The following VPS9D1 variants were observed in gnomAD, a reference collection of about 807,000 sequenced individuals.
VPS9D1 encodes VPS9 domain-containing protein 1.
VPS9D1 carries 78 observed loss-of-function variants against 75.8 expected under a neutral mutation model. The observed-to-expected ratio is 1.03, with a 90% CI of 0.86 to 1.24. VPS9D1 has a LOEUF of 1.24. Ranked by LOEUF, VPS9D1 falls within the 50% of genes most tolerant of loss-of-function variation. VPS9D1 has a pLI of 0.00. For missense variants in VPS9D1, 1,057 were observed against 847.7 expected (o/e 1.25, Z -3.07); for synonymous variants, 481 against 385.6 (o/e 1.25, Z -2.90).
At position 89,718,261 on chromosome 16, in the gene VPS9D1, C is replaced by T. The variant is rs191715863; in HGVS notation, c.175+766G>A. 1.9e-3 allele frequency: 680 copies of T among 365,724 alleles called. 10 individuals carry two copies. Among genetic ancestry groups the T allele is most frequent in the Non-Finnish European group, 5.6e-4 (103 of 182,758 alleles). The allele number at this position is 365,724 out of a possible 1,614,324, so 22.7% of individuals were successfully genotyped here. A position where few individuals can be genotyped will look rare whatever the true frequency, so the allele number is the denominator to read the frequency against. Reference sequence around the variant, plus strand: ...ACGCACCCCGAGGCCGTTTACTGCTCCCATCCTGGGTGGTCTGGCCACTGC... The same window carrying T: ...ACGCACCCCGAGGCCGTTTACTGCTTCCATCCTGGGTGGTCTGGCCACTGC... On this transcript the variant is annotated intron_variant, in intron 2 of 14. Transcript: ENST00000389386.
Position 89,709,365 on chromosome 16 carries a change from C to T in VPS9D1, c.1459G>A (p.Ala487Thr), listed in dbSNP as rs748518295. ...MELYRNAPPTAIGIPTKLLPQ... is the reference protein window; with the variant it reads ...MELYRNAPPTTIGIPTKLLPQ... ...AGGAGCTTGGTGGGGATGCCAATGG[C>T]GGTGGGGGGTGCATTCCTGTAGAGC... is the stretch of plus-strand genomic sequence containing the variant. The change falls in exon 12 of 15, where the codon GCC (alanine) becomes ACC (threonine). Residue 487 changes from alanine to threonine, a missense_variant. Coordinates refer to ENST00000389386, the MANE Select transcript of VPS9D1 (RefSeq NM_004913.3). 9.5e-6 allele frequency: 15 copies of T among 1,573,164 alleles called. No homozygotes were observed. Among genetic ancestry groups the T allele is most frequent in the East Asian group, 2.2e-5 (1 of 44,716 alleles).
chr16:89,720,469 T>A (rs959889408), intron 1 of VPS9D1: 160 of 1,090,508 alleles, frequency 1.5e-4, no homozygotes, highest in Non-Finnish European at 1.8e-4. Flanking sequence ...TTTTGGAAGG[T>A]GGCCTGGCGG....
At chr16:89,709,025 G>GCCCGCCCA (rs1555522643) in intron 12 of VPS9D1, 69 bp from the exon 13 acceptor site, 8 of 631,398 alleles carry the variant, frequency 1.3e-5, no homozygotes, top group Admixed American at 8.1e-5. Context: ...CTTATACCCC[G>GCCCGCCCA]CCCACCCACC....
rs769831472 is a variant in VPS9D1 at position 89,716,542 on chromosome 16, A to G, written c.351T>C (p.Asp117=). ...PAGRHRRVYS[D]EGGKLSPFLP... ...GAAAAGGAGAGAGCTTTCCTCCTTCATCGGAGTATACACGGCGGTGTCGGC... is the reference window on the plus strand; with the variant it reads ...GAAAAGGAGAGAGCTTTCCTCCTTCGTCGGAGTATACACGGCGGTGTCGGC... The change falls in exon 4 of 15, where the codon GAT becomes GAC. Residue 117 remains aspartate (D), a synonymous_variant. Transcript: ENST00000389386. The G allele has an allele frequency of 1.6e-5, 26 of 1,614,126 alleles. No homozygotes were observed. Among genetic ancestry groups the G allele is most frequent in the Middle Eastern group, 3.3e-4 (2 of 6,060 alleles).
rs1249000104 is a variant in VPS9D1 at position 89,710,831 on chromosome 16, G to A, written c.1013C>T (p.Pro338Leu). 6.5e-7 allele frequency: 1 copy of A among 1,531,304 alleles called. No homozygotes were observed. The highest frequency in any genetic ancestry group is 2.0e-5 in the Admixed American group (1 of 50,302). The allele number at this position is 1,531,304 out of a possible 1,614,324, so 94.9% of individuals were successfully genotyped here. ...SQSLHCMLSP[P>L]EPSAAPRPQD... ...GGGCCGCGGGGCTGCGCTGGGCTCG[G>A]GCGGGGACAGCATGCAATGGAGGCT... Residue 338 changes from proline (P) to leucine (L), a missense_variant, in exon 10 of 15, where the codon CCC (proline) becomes CTC (leucine). Transcript: ENST00000389386.
intron 2 of VPS9D1, 39 bp from the exon 3 acceptor site, chr16:89,716,861 A>G: frequency 6.5e-7 from 1 of 1,531,442 alleles, no homozygotes; most frequent in Non-Finnish European, 8.8e-7. Flanking sequence ...AGTCGGCTCT[A>G]CCACTGTTAC....
chr16:89,711,466 G>C, intron 8 of VPS9D1, 54 bp from the exon 9 acceptor site: 1 of 1,500,658 alleles, frequency 6.7e-7, no homozygotes, highest in Non-Finnish European at 9.0e-7. Context: ...ACGACCGGAC[G>C]CGCCTCATCT....
In VPS9D1 at chr16:89,717,040, C is replaced by T. The variant is rs1485659876; in HGVS notation, c.176-218G>A. The stretch of plus-strand genomic sequence containing the variant: ...CCCCGGGTAAGCCCACTGCCCCTCC[C>T]GTCCCCCAACTGACTGACCCTAGGC... On this transcript the variant is annotated intron_variant, in intron 2 of 14. Transcript: ENST00000389386. 4.6e-4 allele frequency: 152 copies of T among 330,740 alleles called. 5 individuals carry two copies. Among genetic ancestry groups the T allele is most frequent in the South Asian group, 4.3e-3 (147 of 33,968 alleles). 20.5% of individuals were successfully genotyped at this position (330,740 alleles called of 1,614,324 possible). A position where few individuals can be genotyped will look rare whatever the true frequency, so the allele number is the denominator to read the frequency against.
At chr16:89,719,235 T>C (rs1286387060) in intron 1 of VPS9D1, 133 bp from the exon 2 acceptor site, 4 of 863,402 alleles carry the variant, frequency 4.6e-6, no homozygotes, top group Admixed American at 3.7e-5. Context: ...CCCAGAGACA[T>C]TGAGCCTGCG....
chr16:89,717,837 G>C (rs891805131), intron 2 of VPS9D1: 8 of 455,132 alleles, frequency 1.8e-5, no homozygotes, highest in Middle Eastern at 3.2e-4. Context: ...CCCCTGACCT[G>C]TGTGATCCTA....
intron 2 of VPS9D1, among the ~76,000 whole-genome samples, chr16:89,717,142 C>T (rs2061092485): frequency 7.1e-6 from 1 of 140,958 alleles, no homozygotes; most frequent in Non-Finnish European, 1.5e-5. Context: ...CCGGGCAAGC[C>T]GACTATTCCT....
chr16:89,710,826 G>A lies in VPS9D1; in HGVS notation c.1018C>T (p.Pro340Ser). Residue 340 changes from proline (P) to serine (S), a missense_variant, in exon 10 of 15, where the codon CCC (proline) becomes TCC (serine). By Grantham distance (74) the Pro-to-Ser change is moderately conservative. Coordinates refer to ENST00000389386, the MANE Select transcript of VPS9D1 (RefSeq NM_004913.3). ...SLHCMLSPPE[P>S]SAAPRPQDSP... Reference sequence around the variant, plus strand: ...TCCTGGGGCCGCGGGGCTGCGCTGGGCTCGGGCGGGGACAGCATGCAATGG... The same window carrying A: ...TCCTGGGGCCGCGGGGCTGCGCTGGACTCGGGCGGGGACAGCATGCAATGG... The A allele has an allele frequency of 6.5e-7, 1 of 1,533,162 alleles. No homozygotes were observed. Among genetic ancestry groups the A allele is most frequent in the South Asian group, 1.2e-5 (1 of 83,710 alleles). 95.0% of individuals were successfully genotyped at this position (1,533,162 alleles called of 1,614,324 possible). A position where few individuals can be genotyped will look rare whatever the true frequency, so the allele number is the denominator to read the frequency against.
chr16:89,720,420 G>A, intron 1 of VPS9D1: 1 of 1,025,062 alleles, frequency 9.8e-7, no homozygotes, highest in East Asian at 8.4e-5. Context: ...TCTCTGCCCA[G>A]AAAAATGCAC....
chr16:89,712,956 G>C lies in VPS9D1; in HGVS notation c.432-240C>G, dbSNP rs2060972618. On this transcript the variant is annotated intron_variant, in intron 4 of 14. Transcript: ENST00000389386. ...GCCAGCACTTTAGGAGGCTAAGGCC[G>C]GGCGGATCACCTGAGGTCAGGAGTT... The C allele has an allele frequency of 1.4e-5, 5 of 369,368 alleles. No individual in the cohort carries two copies. The South Asian group carries it at 2.3e-4, about 17-fold the overall frequency. The allele number at this position is 369,368 out of a possible 1,614,324, so 22.9% of individuals were successfully genotyped here.
chr16:89,710,647 T>A lies in VPS9D1; in HGVS notation c.1197A>T (p.Val399=). 1 of 1,611,592 alleles carries A rather than the reference T, an allele frequency of 6.2e-7. No individual in the cohort carries two copies. Among genetic ancestry groups the A allele is most frequent in the Non-Finnish European group, 8.5e-7 (1 of 1,179,212 alleles). The part of the protein sequence containing the change: ...TSERQGRGRG[V]QPEPQLQQLK... ...GCTGCTGCAGCTGGGGCTCCGGCTG[T>A]ACCCCACGGCCCCGGCCCTGCCGCT... Residue 399 remains valine (V), a synonymous_variant, in exon 10 of 15, where the codon GTA becomes GTT. Transcript: ENST00000389386.
chr16:89,719,272 T>G (rs763943448), intron 1 of VPS9D1, 170 bp from the exon 2 acceptor site: 2 of 690,520 alleles, frequency 2.9e-6, no homozygotes, highest in Non-Finnish European at 5.2e-6. Context: ...GGAACACGGT[T>G]TTCTGCGCAG....
chr16:89,708,262 G>A (rs990137376), intron 14 of VPS9D1, among the ~76,000 whole-genome samples, 165 bp downstream of exon 14: 3 of 152,222 alleles, frequency 2.0e-5, no homozygotes, highest in African/African-American at 7.2e-5. Flanking sequence ...ACATGTGGCA[G>A]CAGGCACTCT....
chr16:89,710,834 G>T lies in VPS9D1; in HGVS notation c.1010C>A (p.Pro337Gln). ...CCGCGGGGCTGCGCTGGGCTCGGGC[G>T]GGGACAGCATGCAATGGAGGCTCTG... ...PSQSLHCMLS[P>Q]PEPSAAPRPQ... Residue 337 changes from proline to glutamine, a missense_variant, in exon 10 of 15, where the codon CCG becomes CAG. Physicochemically the swap from Pro to Gln is moderately conservative, Grantham distance 76. Transcript: ENST00000389386. 6.5e-7 allele frequency: 1 copy of T among 1,530,040 alleles called. No individual in the cohort carries two copies. Among genetic ancestry groups the T allele is most frequent in the Non-Finnish European group, 8.8e-7 (1 of 1,134,926 alleles). 94.8% of individuals were successfully genotyped at this position (1,530,040 alleles called of 1,614,324 possible).
In VPS9D1 at chr16:89,711,968, T is replaced by A. The variant is rs1296312804; in HGVS notation, c.661A>T (p.Arg221Trp). ...GTCAGGGCGACTTGGCTGCAAAACC[T>A]CCTGGGGAGAAAGGCACGCGGTGGG... ...RLRLQEAANR[R>W]FCSQVALTPE... Residue 221 changes from arginine to tryptophan, a missense_variant and splice_region_variant, in exon 8 of 15, where the codon AGG becomes TGG. Transcript: ENST00000389386. The A allele has an allele frequency of 6.4e-7, 1 of 1,550,786 alleles. No homozygotes were observed. Among genetic ancestry groups the A allele is most frequent in the Non-Finnish European group, 8.7e-7 (1 of 1,146,800 alleles).
Sources: gnomAD v4.1 joint callset for allele counts (sites outside exome capture counted in the v4.1 genomes callset) on GRCh38, gnomAD v4.1.1 for gene constraint, MANE v1.5 for transcripts, NCBI Gene and HGNC (gene_info 2026-07-23, HGNC 2026-07-21) for gene names.